Variants in GNAL observed in about 807,000 individuals in gnomAD.
GNAL encodes guanine nucleotide-binding protein G(olf) subunit alpha.
In GNAL, 18 loss-of-function variants were observed where a neutral mutation model predicts 55.1. The observed-to-expected ratio is 0.33, with a 90% CI of 0.23 to 0.48. GNAL has a LOEUF of 0.48. Among genes scored for constraint, GNAL ranks in the 20% least tolerant of loss-of-function variants. GNAL has a pLI of 0.99. For synonymous variants in GNAL, 253 were observed against 237.0 expected, an observed-to-expected ratio of 1.07 and a Z score of -0.62; for missense variants, 412 against 614.1, an observed-to-expected ratio of 0.67 and a Z score of 3.48.
In GNAL at chr18:11,872,430, G is replaced by C. The variant is rs1433290090; in HGVS notation, c.1162+32G>C. On this transcript the variant is annotated intron_variant, in intron 10 of 11. Coordinates refer to ENST00000334049, the MANE Select transcript of GNAL (RefSeq NM_182978.4). ...TTTCAAAACACATTCTTATGATTGA[G>C]GAATAGAATTGTTTTATTAATAGTC... The C allele has an allele frequency of 2.1e-6, 3 of 1,399,254 alleles. No individual in the cohort carries two copies. The Admixed American group carries it at 6.7e-5, about 31-fold the overall frequency. 86.7% of individuals were successfully genotyped at this position (1,399,254 alleles called of 1,614,324 possible). A position where few individuals can be genotyped will look rare whatever the true frequency, so the allele number is the denominator to read the frequency against.
chr18:11,761,176 G>A (rs745783888), intron 4 of GNAL, among the ~76,000 whole-genome samples: 1 of 152,106 alleles, frequency 6.6e-6, no homozygotes, highest in African/African-American at 2.4e-5. Context: ...GGAGTCAGTC[G>A]CACCCCTTAG....
intron 6 of GNAL, among the ~76,000 whole-genome samples, chr18:11,862,659 A>G (rs2036173860): frequency 6.6e-6 from 1 of 152,160 alleles, no homozygotes; most frequent in African/African-American, 2.4e-5. Flanking sequence ...GATTATCAAA[A>G]TTGCCAGCAT....
At chr18:11,866,162 G>A (rs112169598) in intron 7 of GNAL, among the ~76,000 whole-genome samples, 5 of 150,314 alleles carry the variant, frequency 3.3e-5, no homozygotes, top group African/African-American at 1.3e-4. Flanking sequence ...CCAAGTCCCT[G>A]GCATAGTGGA....
chr18:11,705,070 T>G (rs914603317), intron 1 of GNAL, among the ~76,000 whole-genome samples: 2 of 152,214 alleles, frequency 1.3e-5, no homozygotes, highest in Non-Finnish European at 2.9e-5. Context: ...CTTAATCATC[T>G]TGCATGTCTG....
chr18:11,771,276 A>AATGTT (rs1237008013), intron 4 of GNAL, among the ~76,000 whole-genome samples: 1 of 151,722 alleles, frequency 6.6e-6, no homozygotes, highest in African/African-American at 2.4e-5. Flanking sequence ...CTTTGGTTAA[A>AATGTT]ATGTTATAGT....
At chr18:11,837,626 G>C (rs2035524968) in intron 5 of GNAL, among the ~76,000 whole-genome samples, 1 of 152,190 alleles carries the variant, frequency 6.6e-6, no homozygotes, top group African/African-American at 2.4e-5. Context: ...AAGTGTTGCT[G>C]AGGATGTGAA....
In GNAL at chr18:11,868,118, T is replaced by A. The variant is rs2036307773; in HGVS notation, c.911-425T>A. 1.3e-5 allele frequency among the ~76,000 whole-genome samples: 2 copies of A among 151,452 alleles called. No homozygotes were observed. The highest frequency in any genetic ancestry group is 4.9e-5 in the African/African-American group (2 of 41,130). On this transcript the variant is annotated intron_variant, in intron 8 of 11. Transcript: ENST00000334049. This position sits in a 1 kb window ranked among gnomAD's most constrained non-coding sequence, Gnocchi z 4.0. ...CCAGCCTGGGCAACAAGAGTGAAACTCTGTCTCGGAAGAAAATACAAAAAT... is the reference window on the plus strand; with the variant it reads ...CCAGCCTGGGCAACAAGAGTGAAACACTGTCTCGGAAGAAAATACAAAAAT...
At chr18:11,763,097 G>A (rs1191493534) in intron 4 of GNAL, among the ~76,000 whole-genome samples, 1 of 152,070 alleles carries the variant, frequency 6.6e-6, no homozygotes, top group Non-Finnish European at 1.5e-5. Context: ...ATCATAAGAG[G>A]TACTCCTAAT....
chr18:11,761,270 C>G (rs1188009219), intron 4 of GNAL, among the ~76,000 whole-genome samples: 1 of 152,236 alleles, frequency 6.6e-6, no homozygotes, highest in African/African-American at 2.4e-5. Flanking sequence ...ATGCCTAACA[C>G]TTCACAGCCC....
chr18:11,881,188 AG>A lies in GNAL; in HGVS notation c.*54del. On this transcript the variant is annotated 3_prime_UTR_variant, in exon 12 of 12. Coordinates refer to ENST00000334049, the MANE Select transcript of GNAL (RefSeq NM_182978.4). The surrounding 1 kb of genome is among the most constrained non-coding windows in gnomAD (Gnocchi z 4.8). ...CGGCGCCCCGGACTGCCTGACTGCC[AG>A]CCCCATGCCATGGTAGGAGGCAGAG... The A allele has an allele frequency of 6.5e-7, 1 of 1,528,732 alleles. No individual in the cohort carries two copies. Among genetic ancestry groups the A allele is most frequent in the Non-Finnish European group, 8.9e-7 (1 of 1,127,106 alleles). 94.7% of individuals were successfully genotyped at this position (1,528,732 alleles called of 1,614,324 possible). A position where few individuals can be genotyped will look rare whatever the true frequency, so the allele number is the denominator to read the frequency against.
chr18:11,701,385 G>A (rs983229911), intron 1 of GNAL, among the ~76,000 whole-genome samples: 8 of 151,968 alleles, frequency 5.3e-5, no homozygotes, highest in Non-Finnish European at 1.2e-4. Flanking sequence ...GAGGTCATGA[G>A]TTCGAGACCA....
At chr18:11,693,792 A>C (rs2143287087) in intron 1 of GNAL, among the ~76,000 whole-genome samples, 1 of 144,192 alleles carries the variant, frequency 6.9e-6, no homozygotes, top group Admixed American at 7.0e-5. Context: ...TGAGGTGGGC[A>C]GATCACTTGA....
rs936667129 is a variant in GNAL, at chr18:11,881,922, C to G, written c.*787C>G. 6.6e-6 allele frequency: 1 copy of G among 152,616 alleles called. No individual in the cohort carries two copies. The highest frequency in any genetic ancestry group is 1.5e-5 in the Non-Finnish European group (1 of 68,048). The allele number at this position is 152,616 out of a possible 1,614,324, so 9.5% of individuals were successfully genotyped here. ...AAATCCTTGTAGATCTTTGTGCCTTCACCATGGCTATCTATACCTGTACAT... is the reference window on the plus strand; with the variant it reads ...AAATCCTTGTAGATCTTTGTGCCTTGACCATGGCTATCTATACCTGTACAT... On this transcript the variant is annotated 3_prime_UTR_variant, in exon 12 of 12. Coordinates refer to ENST00000334049, the MANE Select transcript of GNAL (RefSeq NM_182978.4). The surrounding 1 kb of genome is among the most constrained non-coding windows in gnomAD (Gnocchi z 4.8).
At chr18:11,807,069 G>C (rs2143544079) in intron 4 of GNAL, among the ~76,000 whole-genome samples, 1 of 152,102 alleles carries the variant, frequency 6.6e-6, no homozygotes, top group African/African-American at 2.4e-5. Flanking sequence ...TGAGGCAGGA[G>C]AATTGCTTAA....
At chr18:11,763,964 TC>T (rs1413050203) in intron 4 of GNAL, among the ~76,000 whole-genome samples, 1 of 152,192 alleles carries the variant, frequency 6.6e-6, no homozygotes, top group Non-Finnish European at 1.5e-5. Context: ...CATGAATCCT[TC>T]CTTCTCAGTG....
At chr18:11,741,530 C>CT (rs1379509247) in intron 1 of GNAL, among the ~76,000 whole-genome samples, 4 of 152,222 alleles carry the variant, frequency 2.6e-5, no homozygotes, top group Non-Finnish European at 5.9e-5. Context: ...CCATCCCTCT[C>CT]AACTAGACTA....
chr18:11,809,096 T>TA (rs112918836), intron 4 of GNAL, among the ~76,000 whole-genome samples: 25 of 151,298 alleles, frequency 1.7e-4, no homozygotes, highest in African/African-American at 6.1e-4. Context: ...TGTCTCTACC[T>TA]AAAAAACAAA....
intron 4 of GNAL, among the ~76,000 whole-genome samples, chr18:11,797,580 C>CA (rs1165421733): frequency 3.3e-5 from 5 of 151,998 alleles, no homozygotes; most frequent in Admixed American, 6.6e-5. Flanking sequence ...CCCACCTCTA[C>CA]AAAAAATACA....
chr18:11,861,289 C>A (rs1490741203), intron 5 of GNAL, among the ~76,000 whole-genome samples: 1 of 152,158 alleles, frequency 6.6e-6, no homozygotes, highest in African/African-American at 2.4e-5. Context: ...AGGGTCCCTG[C>A]TGCCCCTCTG....
Sources: allele counts gnomAD v4.1 joint callset (sites outside exome capture counted in the v4.1 genomes callset), GRCh38; gene constraint gnomAD v4.1.1; non-coding constraint Gnocchi (gnomAD v3.1); transcripts MANE v1.5; gene names NCBI Gene and HGNC (gene_info 2026-07-23, HGNC 2026-07-21).